The following DBH variants were observed in gnomAD, a reference collection of about 807,000 sequenced individuals.
DBH encodes dopamine beta-hydroxylase (dopamine beta-monooxygenase).
DBH carries 49 observed loss-of-function variants against 64.0 expected under a neutral mutation model. The ratio of observed to expected loss-of-function variants is 0.77; its 90% confidence interval spans 0.61 to 0.97. The LOEUF (loss-of-function observed/expected upper bound fraction) is 0.97. Among genes scored for constraint, DBH ranks in the 50% least tolerant of loss-of-function variants. The pLI, the probability that DBH is intolerant of heterozygous loss-of-function variation, is 0.00. For synonymous variants in DBH, 343 were observed against 347.1 expected, an observed-to-expected ratio of 0.99 and a Z score of 0.13; for missense variants, 828 against 826.6, an observed-to-expected ratio of 1.00 and a Z score of -0.02.
At chr9:133,637,087 G>A (rs1206598736) in intron 1 of DBH, among the ~76,000 whole-genome samples, 1 of 152,182 alleles carries the variant, frequency 6.6e-6, no homozygotes, top group African/African-American at 2.4e-5. Context: ...CTAGTACCAC[G>A]TCCCCAGAGC....
At chr9:133,636,783 T>A (rs1832058904) in intron 1 of DBH, 73 bp downstream of exon 1, 1 of 1,371,532 alleles carries the variant, frequency 7.3e-7, no homozygotes, top group African/African-American at 1.4e-5. Flanking sequence ...CTTTCTGCAC[T>A]CACCCTCCTT....
At chr9:133,651,806 G>A (rs774529498) in intron 7 of DBH, 29 bp downstream of exon 7, 389 of 910,178 alleles carry the variant, frequency 4.3e-4, no homozygotes, top group Non-Finnish European at 5.3e-4. Flanking sequence ...CCCCTGCCCC[G>A]CCCCCACACC....
In DBH at chr9:133,642,340, T is replaced by C. The variant is rs753975644; in HGVS notation, c.620T>C (p.Leu207Ser). ...AAGCCCAATATCCCCGAACCGGAGTTGCCCTCAGACGCGTGCACCATGGAG... is the reference window on the plus strand; with the variant it reads ...AAGCCCAATATCCCCGAACCGGAGTCGCCCTCAGACGCGTGCACCATGGAG... The part of the protein sequence containing the change: ...LLKPNIPEPE[L>S]PSDACTMEVQ... Residue 207 changes from leucine to serine, a missense_variant, in exon 3 of 12, where the codon TTG (leucine) becomes TCG (serine). Physicochemically the swap from Leu to Ser is moderately radical, Grantham distance 145. Transcript: ENST00000393056. 5 of 1,614,170 alleles carry C rather than the reference T, an allele frequency of 3.1e-6. No homozygotes were observed. The South Asian group carries it at 5.5e-5, about 18-fold the overall frequency.
intron 5 of DBH, among the ~76,000 whole-genome samples, chr9:133,645,158 C>T (rs1832168144): frequency 6.6e-6 from 1 of 152,116 alleles, no homozygotes; most frequent in Admixed American, 6.5e-5. Flanking sequence ...TCCCACCTCC[C>T]ACAGCTATTG....
chr9:133,641,070 G>A (rs1417409008), intron 2 of DBH, among the ~76,000 whole-genome samples: 4 of 152,182 alleles, frequency 2.6e-5, no homozygotes, highest in Admixed American at 6.5e-5. Context: ...GGGTTGGAGG[G>A]TTGGGAATAT....
intron 6 of DBH, among the ~76,000 whole-genome samples, chr9:133,650,382 C>G (rs1038322712): frequency 9.2e-5 from 14 of 152,160 alleles, no homozygotes; most frequent in African/African-American, 3.1e-4. Flanking sequence ...AAAAGGACAA[C>G]TGACTCACAA....
chr9:133,654,148 T>A (rs1193292683), intron 9 of DBH, among the ~76,000 whole-genome samples: 1 of 150,418 alleles, frequency 6.6e-6, no homozygotes, highest in South Asian at 2.1e-4. Flanking sequence ...GGAGTCTCGC[T>A]CTGTCACCCA....
chr9:133,646,364 G>A (rs1234792659), intron 5 of DBH, among the ~76,000 whole-genome samples: 1 of 151,950 alleles, frequency 6.6e-6, no homozygotes. Flanking sequence ...CATGCATCCG[G>A]GGGCATGGGG....
intron 2 of DBH, among the ~76,000 whole-genome samples, chr9:133,641,401 G>A (rs969430504): frequency 3.9e-5 from 6 of 152,174 alleles, no homozygotes; most frequent in Non-Finnish European, 5.9e-5. Flanking sequence ...ACAGGGGGAG[G>A]CCAATGCCTG....
At chr9:133,648,458 TG>T (rs1238623521) in intron 6 of DBH, among the ~76,000 whole-genome samples, 1 of 152,256 alleles carries the variant, frequency 6.6e-6, no homozygotes, top group Non-Finnish European at 1.5e-5. Flanking sequence ...CTCTTGCAGG[TG>T]TTAGAAACCT....
At chr9:133,639,226 CA>C (rs60989647) in intron 1 of DBH, among the ~76,000 whole-genome samples, 33,155 of 131,848 alleles carry the variant, frequency 0.25, 4,196 homozygotes, top group African/African-American at 0.39. Context: ...GACCCTATCT[CA>C]AAAAAAAAAA....
At chr9:133,656,056 T>C in intron 9 of DBH, 1 of 292,782 alleles carries the variant, frequency 3.4e-6, no homozygotes, top group Non-Finnish European at 6.7e-6. Flanking sequence ...TGGTGGACGG[T>C]GCGGGGCTGC....
chr9:133,656,690 C>A (rs2131295102), intron 10 of DBH, 40 bp downstream of exon 10: 1 of 1,607,240 alleles, frequency 6.2e-7, no homozygotes, highest in Non-Finnish European at 8.5e-7. Context: ...CCCAGGGAAC[C>A]CCGACACAGA....
intron 6 of DBH, among the ~76,000 whole-genome samples, chr9:133,648,795 C>G (rs1159609610): frequency 6.6e-6 from 1 of 152,238 alleles, no homozygotes; most frequent in East Asian, 1.9e-4. Flanking sequence ...TATCTTGGTC[C>G]AAGCCTGTGC....
intron 11 of DBH, among the ~76,000 whole-genome samples, chr9:133,657,830 C>T (rs964133204): frequency 2.6e-5 from 4 of 152,312 alleles, no homozygotes; most frequent in East Asian, 1.9e-4. Context: ...CCTGGAGATC[C>T]AGGAAGATCC....
intron 1 of DBH, among the ~76,000 whole-genome samples, chr9:133,637,304 C>T (rs371568079): frequency 5.9e-5 from 9 of 152,340 alleles, no homozygotes; most frequent in East Asian, 1.9e-4. Context: ...GACTCCTTTC[C>T]GTCCAAATTT....
intron 1 of DBH, among the ~76,000 whole-genome samples, chr9:133,639,590 C>T (rs1046578387): frequency 6.6e-6 from 1 of 152,206 alleles, no homozygotes; most frequent in African/African-American, 2.4e-5. Context: ...AGTGACAGCC[C>T]TGGTTCCTGG....
At chr9:133,645,236 C>T (rs1054057373) in intron 5 of DBH, among the ~76,000 whole-genome samples, 2 of 119,600 alleles carry the variant, frequency 1.7e-5, no homozygotes, top group Non-Finnish European at 3.8e-5. Context: ...TAACAGTCGC[C>T]TGTGGTTTTT....
In DBH at chr9:133,639,838, C is replaced by A; in HGVS notation, c.340-8C>A. ...TTCATGCCTGGAGCCCAGTGCTTGT[C>A]TCTGCAGGACGCCTGGAGTGACCAG... is the stretch of plus-strand genomic sequence containing the variant. On this transcript the variant is annotated splice_polypyrimidine_tract_variant and splice_region_variant and intron_variant, in intron 1 of 11. Coordinates refer to ENST00000393056, the MANE Select transcript of DBH (RefSeq NM_000787.4). The A allele has an allele frequency of 6.2e-7, 1 of 1,608,534 alleles. No homozygotes were observed. Among genetic ancestry groups the A allele is most frequent in the South Asian group, 1.1e-5 (1 of 90,120 alleles).
Sources: gnomAD v4.1 joint callset for allele counts (sites outside exome capture counted in the v4.1 genomes callset) on GRCh38, gnomAD v4.1.1 for gene constraint, MANE v1.5 for transcripts, NCBI Gene and HGNC (gene_info 2026-07-23, HGNC 2026-07-21) for gene names.